Variants in CR1 observed in about 807,000 individuals in gnomAD.
The protein encoded by CR1 is complement receptor type 1.
Under a neutral mutation model 187.3 loss-of-function variants are expected in CR1, and 116 were observed. The ratio of observed to expected loss-of-function variants is 0.62; its 90% CI spans 0.53 to 0.72. CR1 has a LOEUF of 0.72. Ranked by LOEUF, CR1 falls within the 30% of genes least tolerant of loss-of-function variation. The pLI is 0.00. For missense variants in CR1, 1,731 were observed against 2,110.7 expected, an observed-to-expected ratio of 0.82 and a Z score of 3.52; for synonymous variants, 576 against 747.1, an observed-to-expected ratio of 0.77 and a Z score of 3.73.
intron 45 of CR1, among the ~76,000 whole-genome samples, chr1:207,628,540 T>C (rs1261437531): frequency 6.6e-6 from 1 of 152,198 alleles, no homozygotes; most frequent in African/African-American, 2.4e-5. Flanking sequence ...CATAAAACAC[T>C]CTAGGTTCAA....
At position 207,581,982 on chromosome 1, in the gene CR1, AAC is replaced by A. The variant is rs764928898; in HGVS notation, c.5283_5284del (p.Asn1761LysfsTer6). 2 of 1,612,786 alleles carry A rather than the reference AAC, an allele frequency of 1.2e-6. No individual in the cohort carries two copies. The highest frequency in any genetic ancestry group is 1.3e-5 in the African/African-American group (1 of 74,878). On this transcript the variant is annotated frameshift_variant, in exon 32 of 47. Coordinates refer to ENST00000367049, the MANE Select transcript of CR1 (RefSeq NM_000651.6). LOFTEE classifies it high-confidence loss of function. ...VLVGMRSLWNNSVPVCEHIFC... is the reference protein window; with the variant it reads ...VLVGMRSLWNXSVPVCEHIFC... The stretch of plus-strand genomic sequence containing the variant: ...GGTTGGAATGAGAAGCCTTTGGAAT[AAC>A]AGTGTTCCTGTGTGTGAACGTGAGT...
chr1:207,596,360 T>A (rs1436557895), intron 35 of CR1, among the ~76,000 whole-genome samples: 1 of 152,128 alleles, frequency 6.6e-6, no homozygotes, highest in African/African-American at 2.4e-5. Context: ...ATGCCTGTAA[T>A]CCCAGCACTT....
chr1:207,581,251 C>T (rs1417900330), intron 31 of CR1, among the ~76,000 whole-genome samples: 3 of 148,860 alleles, frequency 2.0e-5, no homozygotes, highest in Non-Finnish European at 4.4e-5. Context: ...CATATGGACA[C>T]GTATATGTAG....
intron 4 of CR1, among the ~76,000 whole-genome samples, chr1:207,520,210 C>T (rs1274543584): frequency 1.3e-5 from 2 of 152,170 alleles, no homozygotes; most frequent in African/African-American, 4.8e-5. Flanking sequence ...GTACCTCCTC[C>T]CAATTTTGCA....
In CR1 at chr1:207,506,003, G is replaced by A. The variant is rs200913967; in HGVS notation, c.221G>A (p.Arg74His). 5.9e-4 allele frequency: 949 copies of A among 1,613,728 alleles called. 10 individuals carry two copies. Among genetic ancestry groups the A allele is most frequent in the African/African-American group, 2.3e-4 (17 of 74,860 alleles). Residue 74 changes from arginine to histidine, a missense_variant, in exon 2 of 47, where the codon CGC becomes CAC. Transcript: ENST00000367049. ...GGGACATATCTGAACTATGAATGCC[G>A]CCCTGGTTATTCCGGAAGACCGTTT... ...PIGTYLNYEC[R>H]PGYSGRPFSI...
intron 35 of CR1, among the ~76,000 whole-genome samples, chr1:207,593,141 T>C (rs1443225296): frequency 7.8e-6 from 1 of 127,776 alleles, no homozygotes; most frequent in East Asian, 2.3e-4. Flanking sequence ...AAATAGCCCA[T>C]ATAGCCAAGA....
chr1:207,612,324 T>C (rs550044189), intron 39 of CR1, among the ~76,000 whole-genome samples: 7 of 152,328 alleles, frequency 4.6e-5, no homozygotes, highest in African/African-American at 1.7e-4. Context: ...ACGTATTTAT[T>C]TGGAGGCAAA....
chr1:207,621,750 A>G (rs1662319938), intron 43 of CR1, among the ~76,000 whole-genome samples: 1 of 152,216 alleles, frequency 6.6e-6, no homozygotes, highest in Non-Finnish European at 1.5e-5. Context: ...TCTGTATTAT[A>G]AATTTTCTTC....
rs116690467 is a variant in CR1, at chr1:207,507,632, A to G, written c.401+819A>G. On this transcript the variant is annotated intron_variant, in intron 3 of 46. Transcript: ENST00000367049. Reference sequence around the variant, plus strand: ...GCACTGGGGATTAAGACATCAATATATTTCGGGGTAAGGGGGACACAATTC... The same window carrying G: ...GCACTGGGGATTAAGACATCAATATGTTTCGGGGTAAGGGGGACACAATTC... The G allele has an allele frequency of 5.5e-3, 845 of 152,416 alleles. 5 individuals carry two copies. Among genetic ancestry groups the G allele is most frequent in the Middle Eastern group, 0.01 (3 of 294 alleles). 9.4% of individuals were successfully genotyped at this position (152,416 alleles called of 1,614,324 possible).
chr1:207,632,508 G>T (rs1259230576), intron 46 of CR1, among the ~76,000 whole-genome samples: 3 of 152,188 alleles, frequency 2.0e-5, no homozygotes, highest in Non-Finnish European at 2.9e-5. Context: ...AAATAAGACG[G>T]CTGGGCGCTG....
At chr1:207,628,998 C>T (rs1662568007) in intron 45 of CR1, among the ~76,000 whole-genome samples, 1 of 152,134 alleles carries the variant, frequency 6.6e-6, no homozygotes. Flanking sequence ...TGTTATTTCA[C>T]TAGTTAAAAA....
At chr1:207,637,181 T>C (rs1485008232) in intron 46 of CR1, among the ~76,000 whole-genome samples, 1 of 152,060 alleles carries the variant, frequency 6.6e-6, no homozygotes, top group Non-Finnish European at 1.5e-5. Context: ...TTCTCCCTAT[T>C]CCCAAGGGTA....
At chr1:207,505,880 T>G (rs1469880617) in intron 1 of CR1, 24 bp from the exon 2 acceptor site, 1 of 1,579,562 alleles carries the variant, frequency 6.3e-7, no homozygotes, top group African/African-American at 1.4e-5. Context: ...TTAACTTTGA[T>G]GCTTCTATGG....
rs1054531107 is a variant in CR1 at position 207,641,343 on chromosome 1, A to C, written c.*1934A>C. 2 of 151,812 alleles carry C rather than the reference A, an allele frequency of 1.3e-5. No homozygotes were observed. The highest frequency in any genetic ancestry group is 4.8e-5 in the African/African-American group (2 of 41,330). The allele number at this position is 151,812 out of a possible 1,614,324, so 9.4% of individuals were successfully genotyped here. On this transcript the variant is annotated 3_prime_UTR_variant, in exon 47 of 47. Transcript: ENST00000367049. ...ATTAATAAATATTTCAATGTCTGTG[A>C]CTTTTGATTTATTTTGGAGACAGGG... is the stretch of plus-strand genomic sequence containing the variant.
At chr1:207,636,291 A>C (rs934796158) in intron 46 of CR1, among the ~76,000 whole-genome samples, 1 of 152,186 alleles carries the variant, frequency 6.6e-6, no homozygotes, top group Non-Finnish European at 1.5e-5. Flanking sequence ...CGATTGCCTC[A>C]GTTCCTGGCA....
intron 5 of CR1, among the ~76,000 whole-genome samples, chr1:207,525,622 G>T (rs1203184227): frequency 6.6e-6 from 1 of 151,988 alleles, no homozygotes; most frequent in Non-Finnish European, 1.5e-5. Flanking sequence ...TGGTATATAT[G>T]CCTCCAATTG....
chr1:207,607,144 T>C, intron 35 of CR1, 107 bp from the exon 36 acceptor site: 1 of 819,978 alleles, frequency 1.2e-6, no homozygotes, highest in Non-Finnish European at 2.1e-6. Flanking sequence ...TCTGCCATGG[T>C]GTAATCTGTC....
At chr1:207,565,360 T>C (rs1660460112) in intron 23 of CR1, among the ~76,000 whole-genome samples, 3 of 150,484 alleles carry the variant, frequency 2.0e-5, no homozygotes, top group Non-Finnish European at 4.4e-5. Flanking sequence ...TTGAGCCTTC[T>C]TCACGCCATC....
At chr1:207,636,147 T>C (rs1016124154) in intron 46 of CR1, among the ~76,000 whole-genome samples, 21 of 152,066 alleles carry the variant, frequency 1.4e-4, no homozygotes, top group African/African-American at 5.1e-4. Context: ...TTTGGAGCTG[T>C]TGGGTACACC....
Sources: gnomAD v4.1 joint callset for allele counts (sites outside exome capture counted in the v4.1 genomes callset) on GRCh38, gnomAD v4.1.1 for gene constraint, MANE v1.5 for transcripts, NCBI Gene and HGNC (gene_info 2026-07-23, HGNC 2026-07-21) for gene names.